The following ZNF385D variants were observed in gnomAD, a reference collection of about 807,000 sequenced individuals.
ZNF385D encodes zinc finger protein 385D.
A neutral mutation model predicts 35.8 loss-of-function variants in ZNF385D; 15 were observed. The ratio of observed to expected loss-of-function variants is 0.42; its 90% CI spans 0.28 to 0.64. The LOEUF is 0.64. Ranked by LOEUF, ZNF385D falls within the 30% of genes least tolerant of loss-of-function variation. The probability of loss-of-function intolerance (pLI) is 0.23; values close to 1 mark genes in which losing one functional copy is unlikely to be tolerated. For synonymous variants in ZNF385D, 212 were observed against 186.8 expected (o/e 1.13, Z -1.10); for missense variants, 474 against 494.6 (o/e 0.96, Z 0.39).
intron 2 of ZNF385D, among the ~76,000 whole-genome samples, chr3:22,217,869 A>T (rs1022824628): frequency 1.3e-5 from 2 of 152,046 alleles, no homozygotes; most frequent in Non-Finnish European, 2.9e-5. Context: ...TAACTGCACA[A>T]TCTCCAACTT....
intron 3 of ZNF385D, among the ~76,000 whole-genome samples, chr3:22,070,752 T>C (rs1204073216): frequency 1.3e-5 from 2 of 152,290 alleles, no homozygotes; most frequent in East Asian, 3.9e-4. Context: ...TATCCTGAGT[T>C]GTGAAAGTAA....
At chr3:22,206,540 T>G (rs1199492865) in intron 2 of ZNF385D, among the ~76,000 whole-genome samples, 1 of 151,914 alleles carries the variant, frequency 6.6e-6, no homozygotes, top group Non-Finnish European at 1.5e-5. Flanking sequence ...AAAACAAGTC[T>G]TAAAACATCC....
At chr3:21,933,479 G>T (rs772919291) in intron 3 of ZNF385D, among the ~76,000 whole-genome samples, 1 of 152,144 alleles carries the variant, frequency 6.6e-6, no homozygotes, top group Non-Finnish European at 1.5e-5. Flanking sequence ...GTCCCCATTT[G>T]TGAAAAAGGC....
intron 2 of ZNF385D, among the ~76,000 whole-genome samples, chr3:21,651,050 C>T (rs568859997): frequency 5.2e-4 from 78 of 151,292 alleles, no homozygotes; most frequent in African/African-American, 1.6e-3. Flanking sequence ...GAGGCTGAGG[C>T]GGGCAGATCA....
At chr3:22,172,747 T>A (rs1694549358) in intron 2 of ZNF385D, among the ~76,000 whole-genome samples, 1 of 152,178 alleles carries the variant, frequency 6.6e-6, no homozygotes, top group African/African-American at 2.4e-5. Context: ...ATACCTAAAG[T>A]ATAAATTTCA....
intron 3 of ZNF385D, among the ~76,000 whole-genome samples, chr3:21,965,776 A>T (rs1476630706): frequency 1.3e-5 from 2 of 152,332 alleles, no homozygotes; most frequent in East Asian, 3.9e-4. Context: ...GAAAAGACAC[A>T]CTGAAGTATT....
At chr3:21,780,875 C>A (rs1232567181) in intron 3 of ZNF385D, among the ~76,000 whole-genome samples, 1 of 152,006 alleles carries the variant, frequency 6.6e-6, no homozygotes, top group African/African-American at 2.4e-5. Flanking sequence ...TTTGGTTGTC[C>A]AAAATGGTTG....
intron 2 of ZNF385D, among the ~76,000 whole-genome samples, chr3:22,367,691 T>G (rs931258699): frequency 1.3e-5 from 2 of 152,206 alleles, no homozygotes; most frequent in Non-Finnish European, 2.9e-5. Context: ...CTTTTTTTCT[T>G]TCATTTCAGT....
chr3:21,591,500 T>A (rs2063975427), intron 2 of ZNF385D, among the ~76,000 whole-genome samples: 1 of 152,186 alleles, frequency 6.6e-6, no homozygotes, highest in Non-Finnish European at 1.5e-5. Flanking sequence ...TTATAATGAT[T>A]AATTACTATA....
In ZNF385D at chr3:21,413,793, A is replaced by C. The variant is rs1286440544; in HGVS notation, c.*7421T>G. ...AAAGTTTTCAATAAGCTTGGTTGTC[A>C]AAAGAACACTGCCTTCAATTTATAG... On this transcript the variant is annotated 3_prime_UTR_variant, in exon 8 of 8. Transcript: ENST00000281523. 8 of 152,136 alleles carry C rather than the reference A, an allele frequency of 5.3e-5. No individual in the cohort carries two copies. In the East Asian group the frequency reaches 1.5e-3, roughly 29 times the overall value. 9.4% of individuals were successfully genotyped at this position (152,136 alleles called of 1,614,324 possible). A position where few individuals can be genotyped will look rare whatever the true frequency, so the allele number is the denominator to read the frequency against.
chr3:22,214,616 A>G (rs1019328597), intron 2 of ZNF385D, among the ~76,000 whole-genome samples: 2 of 151,998 alleles, frequency 1.3e-5, no homozygotes, highest in Non-Finnish European at 2.9e-5. Flanking sequence ...TGGCCGCTTC[A>G]GGGGGTGGCC....
chr3:21,900,941 G>A (rs1699377540), intron 3 of ZNF385D, among the ~76,000 whole-genome samples: 1 of 152,082 alleles, frequency 6.6e-6, no homozygotes, highest in South Asian at 2.1e-4. Context: ...TATAGATGAC[G>A]ACACTAAGGT....
At chr3:21,736,955 T>C (rs1460534234) in intron 1 of ZNF385D, among the ~76,000 whole-genome samples, 1 of 152,254 alleles carries the variant, frequency 6.6e-6, no homozygotes, top group Non-Finnish European at 1.5e-5. Flanking sequence ...TTTTTCTTTT[T>C]TTGAGGCGGA....
At chr3:22,071,458 C>A (rs933767968) in intron 3 of ZNF385D, among the ~76,000 whole-genome samples, 5 of 152,188 alleles carry the variant, frequency 3.3e-5, no homozygotes, top group Admixed American at 1.3e-4. Context: ...AAATTGCTGA[C>A]ATTTATCTCT....
intron 2 of ZNF385D, among the ~76,000 whole-genome samples, chr3:22,175,657 C>T (rs149123963): frequency 1.4e-3 from 208 of 151,588 alleles, no homozygotes; most frequent in African/African-American, 4.3e-3. Flanking sequence ...GAAAAAAATA[C>T]GTAGTAACTT....
intron 2 of ZNF385D, among the ~76,000 whole-genome samples, chr3:22,337,586 T>G (rs1272435089): frequency 6.6e-6 from 1 of 152,162 alleles, no homozygotes; most frequent in East Asian, 1.9e-4. Context: ...ACACTTGGTA[T>G]TAGAACTCAC....
intron 1 of ZNF385D, 41 bp downstream of exon 1, chr3:21,750,854 C>G: frequency 1.2e-6 from 2 of 1,611,932 alleles, no homozygotes; most frequent in East Asian, 2.2e-5. Context: ...GGATGAAGAG[C>G]CGGACACCCC....
chr3:21,921,379 T>C (rs983992257), intron 3 of ZNF385D, among the ~76,000 whole-genome samples: 7 of 152,176 alleles, frequency 4.6e-5, no homozygotes, highest in South Asian at 2.1e-4. Context: ...ATGCTATTCT[T>C]AGAGGATGCC....
rs552128353 is a variant in ZNF385D, at chr3:21,940,394, C to T, written c.325+228423G>A. Among the ~76,000 whole-genome samples, 8 of 152,252 alleles carry T rather than the reference C, an allele frequency of 5.3e-5. No individual in the cohort carries two copies. In the South Asian group the frequency reaches 1.2e-3, roughly 24 times the overall value. On this transcript the variant is annotated intron_variant, in intron 3 of 5. Transcript: ENST00000494108. ...TGTCAAATGGGAAAAAGAATAACTA[C>T]TTGGCAAGTAAATTGGATGTGAAGA...
Sources: gnomAD v4.1 joint callset for allele counts (sites outside exome capture counted in the v4.1 genomes callset) on GRCh38, gnomAD v4.1.1 for gene constraint, MANE v1.5 for transcripts, NCBI Gene and HGNC (gene_info 2026-07-23, HGNC 2026-07-21) for gene names.